Variants in REC114 observed in about 807,000 individuals in gnomAD.
REC114 encodes the protein REC114 meiotic recombination protein.
REC114 carries 27 observed loss-of-function variants against 31.3 expected under a neutral mutation model. The observed-to-expected ratio is 0.86, with a 90% CI of 0.64 to 1.19. The LOEUF (loss-of-function observed/expected upper bound fraction) is 1.19, where lower values mean the gene tolerates loss of function less well. REC114 is among the 50% of genes most tolerant of loss of function. The pLI is 0.00. For synonymous variants in REC114, 134 were observed against 127.7 expected, an observed-to-expected ratio of 1.05 and a Z score of -0.33; for missense variants, 344 against 326.9, an observed-to-expected ratio of 1.05 and a Z score of -0.40.
chr15:73,451,716 T>C (rs1365923700), intron 1 of REC114, among the ~76,000 whole-genome samples: 1 of 152,160 alleles, frequency 6.6e-6, no homozygotes, highest in Non-Finnish European at 1.5e-5. Context: ...CTGATGAACA[T>C]TGATGCGAAA....
At chr15:73,539,532 C>T (rs1194819941) in intron 2 of REC114, among the ~76,000 whole-genome samples, 2 of 128,804 alleles carry the variant, frequency 1.6e-5, no homozygotes, top group African/African-American at 3.0e-5. Context: ...TTGTAAATTT[C>T]TATGAAAGTT....
At chr15:73,473,584 C>T (rs772332197) in intron 1 of REC114, among the ~76,000 whole-genome samples, 3 of 152,088 alleles carry the variant, frequency 2.0e-5, no homozygotes, top group Non-Finnish European at 4.4e-5. Flanking sequence ...GATTCTTAAT[C>T]TGATATTCTT....
chr15:73,527,885 G>T (rs899736807), intron 2 of REC114, among the ~76,000 whole-genome samples: 2 of 151,988 alleles, frequency 1.3e-5, no homozygotes, highest in Non-Finnish European at 2.9e-5. Flanking sequence ...ATCTATACGG[G>T]GGGGAAAAAA....
At chr15:73,558,642 CAAAAAG>C (rs1296067473) in intron 5 of REC114, among the ~76,000 whole-genome samples, 1 of 152,078 alleles carries the variant, frequency 6.6e-6, no homozygotes, top group Non-Finnish European at 1.5e-5. Flanking sequence ...AAATTAAAAA[CAAAAAG>C]AAAAACTGAC....
chr15:73,486,249 C>T (rs1893362604), intron 2 of REC114, among the ~76,000 whole-genome samples: 1 of 152,186 alleles, frequency 6.6e-6, no homozygotes. Context: ...AGGCACGCAC[C>T]ACCATGCCCA....
rs951199228 is a variant in REC114 at position 73,513,917 on chromosome 15, C to A, written c.250-26568C>A. On this transcript the variant is annotated intron_variant, in intron 2 of 5. Coordinates refer to ENST00000331090, the MANE Select transcript of REC114 (RefSeq NM_001042367.2). ...CTTTTTGTTTGTCTGTGCCCTGCCC[C>A]CAGAGGTGAAGCCTACAGTGGCAGG... Among the ~76,000 whole-genome samples the A allele has an allele frequency of 5.2e-3, 786 of 152,090 alleles. 23 individuals carry two copies. The highest frequency in any genetic ancestry group is 0.041 in the Admixed American group (623 of 15,300).
At chr15:73,539,567 A>G (rs1473076232) in intron 2 of REC114, among the ~76,000 whole-genome samples, 2 of 149,018 alleles carry the variant, frequency 1.3e-5, no homozygotes, top group Non-Finnish European at 3.0e-5. Context: ...ACTGAGATTT[A>G]GGCAGAGGGA....
At chr15:73,528,645 CAG>C (rs1894036929) in intron 2 of REC114, among the ~76,000 whole-genome samples, 1 of 152,084 alleles carries the variant, frequency 6.6e-6, no homozygotes. Flanking sequence ...TGAAAAAATT[CAG>C]AATATTTTGT....
chr15:73,547,119 A>C (rs1894320366), intron 3 of REC114, among the ~76,000 whole-genome samples: 1 of 152,156 alleles, frequency 6.6e-6, no homozygotes, highest in Non-Finnish European at 1.5e-5. Context: ...CAACCCACAG[A>C]AGGGGAGAAA....
chr15:73,444,754 T>A (rs73442047), intron 1 of REC114, among the ~76,000 whole-genome samples: 10,957 of 152,312 alleles, frequency 0.072, 664 homozygotes, highest in African/African-American at 0.17. Flanking sequence ...AGATGTTTTC[T>A]ATTAACTGCC....
At chr15:73,495,133 C>T (rs1426046208) in intron 2 of REC114, among the ~76,000 whole-genome samples, 1 of 152,138 alleles carries the variant, frequency 6.6e-6, no homozygotes, top group Non-Finnish European at 1.5e-5. Flanking sequence ...TCTCTTCTCT[C>T]TAAAGTGAGT....
Position 73,559,971 on chromosome 15 carries a change from C to CTATATA in REC114, c.*55_*56insTATATA. 4.2e-6 allele frequency: 6 copies of CTATATA among 1,431,922 alleles called. No homozygotes were observed. The highest frequency in any genetic ancestry group is 5.6e-6 in the Non-Finnish European group (6 of 1,065,052). The allele number at this position is 1,431,922 out of a possible 1,614,324, so 88.7% of individuals were successfully genotyped here. A position where few individuals can be genotyped will look rare whatever the true frequency, so the allele number is the denominator to read the frequency against. On this transcript the variant is annotated 3_prime_UTR_variant, in exon 6 of 6. Coordinates refer to ENST00000331090, the MANE Select transcript of REC114 (RefSeq NM_001042367.2). ...TTCAAAGTATTGAAAAATGCTTCCTCCTAAAATTAAAGAAGATATTAGAAT... is the reference window on the plus strand; with the variant it reads ...TTCAAAGTATTGAAAAATGCTTCCTCTATATACTAAAATTAAAGAAGATATTAGAAT...
intron 4 of REC114, 73 bp from the exon 5 acceptor site, chr15:73,556,229 C>T (rs1199753306): frequency 1.6e-6 from 2 of 1,288,766 alleles, no homozygotes; most frequent in Non-Finnish European, 2.2e-6. Flanking sequence ...ATGCATATTT[C>T]TGCTCTTTAA....
At chr15:73,513,325 T>G (rs942671219) in intron 2 of REC114, among the ~76,000 whole-genome samples, 3 of 151,636 alleles carry the variant, frequency 2.0e-5, no homozygotes, top group African/African-American at 7.3e-5. Flanking sequence ...TCTGTATTGG[T>G]TATTCTAGTT....
intron 2 of REC114, among the ~76,000 whole-genome samples, chr15:73,509,277 CT>C (rs1893728918): frequency 7.0e-6 from 1 of 142,760 alleles, no homozygotes; most frequent in African/African-American, 3.0e-5. Flanking sequence ...CCTTCACCCA[CT>C]TTTTGATGGG....
intron 4 of REC114, among the ~76,000 whole-genome samples, chr15:73,554,558 C>A (rs892565576): frequency 3.9e-5 from 6 of 152,116 alleles, no homozygotes; most frequent in African/African-American, 1.4e-4. Flanking sequence ...GTGGCTTAAC[C>A]AGGCATTTCT....
At chr15:73,547,642 A>C (rs1894328376) in intron 3 of REC114, among the ~76,000 whole-genome samples, 1 of 152,220 alleles carries the variant, frequency 6.6e-6, no homozygotes. Context: ...GAAGCAACCT[A>C]AGTGTTCATC....
intron 2 of REC114, among the ~76,000 whole-genome samples, chr15:73,514,787 A>G (rs1893835076): frequency 6.6e-6 from 1 of 152,202 alleles, no homozygotes; most frequent in Admixed American, 6.5e-5. Flanking sequence ...ATAAAATATA[A>G]AGAAAGACTA....
intron 2 of REC114, among the ~76,000 whole-genome samples, chr15:73,482,813 C>T (rs1893313889): frequency 6.6e-6 from 1 of 152,064 alleles, no homozygotes; most frequent in Admixed American, 6.5e-5. Flanking sequence ...TTACAAATAT[C>T]CCTTTGAAAC....
Sources: allele counts gnomAD v4.1 joint callset (sites outside exome capture counted in the v4.1 genomes callset), GRCh38; gene constraint gnomAD v4.1.1; transcripts MANE v1.5; gene names NCBI Gene and HGNC (gene_info 2026-07-23, HGNC 2026-07-21).